Variants in STIM2 observed in about 807,000 individuals in gnomAD.
The protein encoded by STIM2 is stromal interaction molecule 2.
A neutral mutation model predicts 85.8 loss-of-function variants in STIM2; 31 were observed. The observed-to-expected ratio is 0.36, with a 90% CI of 0.27 to 0.49. The LOEUF is 0.49. STIM2 is among the 20% of genes least tolerant of loss of function. The pLI is 0.98. For missense variants in STIM2, 841 were observed against 927.6 expected (o/e 0.91, Z 1.21); for synonymous variants, 356 against 331.1 (o/e 1.08, Z -0.82).
chr4:26,883,467 C>T (rs1274719688), intron 1 of STIM2, among the ~76,000 whole-genome samples: 1 of 151,760 alleles, frequency 6.6e-6, no homozygotes, highest in Admixed American at 6.6e-5. Context: ...GTATTTTTTT[C>T]CCTTGGAAAA....
At chr4:26,878,452 G>A (rs1293748784) in intron 1 of STIM2, among the ~76,000 whole-genome samples, 2 of 152,168 alleles carry the variant, frequency 1.3e-5, no homozygotes, top group East Asian at 3.9e-4. Flanking sequence ...AAGCATAGTA[G>A]GCTTTTACTT....
intron 2 of STIM2, among the ~76,000 whole-genome samples, chr4:26,930,070 C>T (rs987886751): frequency 2.0e-4 from 30 of 152,120 alleles, no homozygotes; most frequent in African/African-American, 7.2e-4. Flanking sequence ...CTTTTGCTGT[C>T]TAGGTCATCA....
intron 3 of STIM2, among the ~76,000 whole-genome samples, chr4:26,960,024 T>G (rs1175401585): frequency 6.6e-6 from 1 of 152,172 alleles, no homozygotes; most frequent in African/African-American, 2.4e-5. Flanking sequence ...TTGATTTTTC[T>G]CAACCCATGT....
intron 1 of STIM2, among the ~76,000 whole-genome samples, chr4:26,869,885 C>T (rs1202157984): frequency 6.6e-6 from 1 of 150,564 alleles, no homozygotes; most frequent in Non-Finnish European, 1.5e-5. Flanking sequence ...TTCACAATAG[C>T]CAAGATATGG....
At chr4:26,889,723 T>C (rs1723393662) in intron 1 of STIM2, among the ~76,000 whole-genome samples, 1 of 152,124 alleles carries the variant, frequency 6.6e-6, no homozygotes, top group Non-Finnish European at 1.5e-5. Flanking sequence ...TGAGCCACCT[T>C]CCTCCTTCCT....
chr4:26,900,554 G>C (rs1397041557), intron 1 of STIM2, among the ~76,000 whole-genome samples: 1 of 152,084 alleles, frequency 6.6e-6, no homozygotes, highest in Admixed American at 6.6e-5. Flanking sequence ...TTACTGCATG[G>C]CTTTGTACTA....
intron 1 of STIM2, among the ~76,000 whole-genome samples, chr4:26,898,518 A>G (rs1017385224): frequency 2.6e-5 from 4 of 152,124 alleles, no homozygotes; most frequent in African/African-American, 7.2e-5. Context: ...ATCACTATTG[A>G]TGATTGTTGC....
Position 26,937,054 on chromosome 4 carries a change from T to G in STIM2, c.282+17420T>G, listed in dbSNP as rs1725419612. ...TTACCTGCCTCAACCTCTCAAAGTGTTAGAATTACAGGCATGAGCCACTGT... is the reference window on the plus strand; with the variant it reads ...TTACCTGCCTCAACCTCTCAAAGTGGTAGAATTACAGGCATGAGCCACTGT... On this transcript the variant is annotated intron_variant, in intron 2 of 11. Transcript: ENST00000467087. Among the ~76,000 whole-genome samples, 3 of 152,110 alleles carry G rather than the reference T, an allele frequency of 2.0e-5. No individual in the cohort carries two copies. The South Asian group carries it at 6.2e-4, about 32-fold the overall frequency.
intron 10 of STIM2, among the ~76,000 whole-genome samples, chr4:27,014,850 T>G (rs1028665089): frequency 6.6e-6 from 1 of 151,960 alleles, no homozygotes; most frequent in African/African-American, 2.4e-5. Flanking sequence ...GTTATATTGG[T>G]GAATACAAGT....
chr4:27,016,676 T>C (rs541349410), intron 10 of STIM2, among the ~76,000 whole-genome samples: 1 of 152,324 alleles, frequency 6.6e-6, no homozygotes, highest in African/African-American at 2.4e-5. Flanking sequence ...ACCCTTTCAC[T>C]GAGGAATGTA....
chr4:27,021,066 A>T, intron 11 of STIM2: 1 of 1,536,644 alleles, frequency 6.5e-7, no homozygotes, highest in Non-Finnish European at 8.7e-7. Flanking sequence ...TCAAAAAAAA[A>T]AAGTGAGTAA....
intron 1 of STIM2, among the ~76,000 whole-genome samples, chr4:26,899,002 A>T (rs143892633): frequency 0.011 from 1,608 of 151,392 alleles, 11 homozygotes; most frequent in African/African-American, 0.017. Flanking sequence ...TCCTTACTGT[A>T]GAATAGAACC....
chr4:27,009,084 C>T (rs185798081), intron 10 of STIM2, 82 bp downstream of exon 10: 14 of 1,215,120 alleles, frequency 1.2e-5, no homozygotes, highest in East Asian at 2.4e-5. Context: ...TCATGTACTT[C>T]GAAATCTGTG....
intron 1 of STIM2, among the ~76,000 whole-genome samples, chr4:26,865,074 C>T (rs1184623083): frequency 6.6e-6 from 1 of 152,112 alleles, no homozygotes; most frequent in Non-Finnish European, 1.5e-5. Context: ...GACCTTTGTT[C>T]CTCTTATGAC....
At chr4:26,913,022 C>A (rs6847438) in intron 1 of STIM2, among the ~76,000 whole-genome samples, 92,738 of 151,894 alleles carry the variant, frequency 0.61, 29,690 homozygotes, top group African/African-American at 0.82. Flanking sequence ...AGCAGGGAGG[C>A]GGCCTTACCA....
In STIM2 at chr4:26,911,623, G is replaced by A. The variant is rs75479595; in HGVS notation, c.152-7881G>A. ...AATAGATAATCAGAGATTATCTAGAGTCTTCTTCCTGCATTTTTATAGCAT... is the reference window on the plus strand; with the variant it reads ...AATAGATAATCAGAGATTATCTAGAATCTTCTTCCTGCATTTTTATAGCAT... On this transcript the variant is annotated intron_variant, in intron 1 of 11. Transcript: ENST00000467087. 4.2e-4 allele frequency among the ~76,000 whole-genome samples: 64 copies of A among 152,256 alleles called. 1 individual carries two copies. The East Asian group carries it at 9.1e-3, about 22-fold the overall frequency.
intron 2 of STIM2, among the ~76,000 whole-genome samples, chr4:26,930,837 T>TTA (rs1725182810): frequency 6.6e-6 from 1 of 152,216 alleles, no homozygotes; most frequent in Non-Finnish European, 1.5e-5. Flanking sequence ...ATGTGTTAGT[T>TTA]TATTGCTATG....
chr4:26,897,561 CTTT>C (rs1271028849), intron 1 of STIM2, among the ~76,000 whole-genome samples: 2 of 152,034 alleles, frequency 1.3e-5, no homozygotes, highest in African/African-American at 2.4e-5. Flanking sequence ...CGTTTTTGCT[CTTT>C]TGTTTCTTTT....
chr4:26,888,022 A>G (rs1723325805), intron 1 of STIM2, among the ~76,000 whole-genome samples: 1 of 152,224 alleles, frequency 6.6e-6, no homozygotes, highest in African/African-American at 2.4e-5. Context: ...TTTCCTGCTG[A>G]TTGGATCAGG....
Sources: allele counts gnomAD v4.1 joint callset (sites outside exome capture counted in the v4.1 genomes callset), GRCh38; gene constraint gnomAD v4.1.1; transcripts MANE v1.5; gene names NCBI Gene and HGNC (gene_info 2026-07-23, HGNC 2026-07-21).